PMS1: variants seen among roughly 807,000 people sequenced by gnomAD.
The protein encoded by PMS1 is PMS1 protein homolog 1.
Under a neutral mutation model 93.1 loss-of-function variants are expected in PMS1, and 79 were observed. That is an observed-to-expected ratio of 0.85 (90% CI 0.71 to 1.02). PMS1 has a LOEUF of 1.02. Ranked by LOEUF, PMS1 falls within the 50% of genes least tolerant of loss-of-function variation. PMS1 has a pLI of 0.00. For missense variants in PMS1, 1,064 were observed against 1,085.3 expected, an observed-to-expected ratio of 0.98 and a Z score of 0.28; for synonymous variants, 335 against 363.4, an observed-to-expected ratio of 0.92 and a Z score of 0.89.
At chr2:189,863,477 C>T (rs2056251014) in intron 9 of PMS1, among the ~76,000 whole-genome samples, 1 of 152,150 alleles carries the variant, frequency 6.6e-6, no homozygotes, top group Non-Finnish European at 1.5e-5. Flanking sequence ...TAGTCTTGAA[C>T]TGCTGACCTC....
At chr2:189,817,768 A>G (rs1007792232) in intron 4 of PMS1, among the ~76,000 whole-genome samples, 2 of 152,200 alleles carry the variant, frequency 1.3e-5, no homozygotes, top group Non-Finnish European at 2.9e-5. Flanking sequence ...GTTTCTACGC[A>G]GTGATAGAAG....
At chr2:189,839,273 G>T (rs769664443) in intron 5 of PMS1, among the ~76,000 whole-genome samples, 6 of 152,172 alleles carry the variant, frequency 3.9e-5, no homozygotes, top group Non-Finnish European at 8.8e-5. Flanking sequence ...TTACAGGCAC[G>T]AGCCACCACA....
At chr2:189,811,870 G>T (rs970935304) in intron 4 of PMS1, among the ~76,000 whole-genome samples, 28 of 152,202 alleles carry the variant, frequency 1.8e-4, no homozygotes, top group African/African-American at 6.7e-4. Context: ...GCTATTTACA[G>T]CTTTCATGAA....
intron 6 of PMS1, among the ~76,000 whole-genome samples, chr2:189,844,643 CAAAAAAAA>C: frequency 1.6e-5 from 1 of 62,526 alleles, no homozygotes; most frequent in African/African-American, 4.7e-5. Flanking sequence ...GATTCCATCT[CAAAAAAAA>C]AAAAAAAAAA....
At chr2:189,818,257 T>TA (rs2051501243) in intron 5 of PMS1, 77 bp downstream of exon 5, 2 of 942,682 alleles carry the variant, frequency 2.1e-6, no homozygotes, top group African/African-American at 3.3e-5. Context: ...ATCAGTTAGA[T>TA]ATGGGCTATG....
intron 1 of PMS1, among the ~76,000 whole-genome samples, chr2:189,788,471 G>A (rs1318388030): frequency 6.6e-6 from 1 of 152,106 alleles, no homozygotes; most frequent in Non-Finnish European, 1.5e-5. Flanking sequence ...GCATTTTAGA[G>A]AGTTTAATTT....
At chr2:189,865,063 A>G (rs1002381029) in intron 10 of PMS1, among the ~76,000 whole-genome samples, 2 of 152,004 alleles carry the variant, frequency 1.3e-5, no homozygotes, top group South Asian at 2.1e-4. Flanking sequence ...TCCCCCTCCT[A>G]TATCTTTCAA....
chr2:189,811,588 T>C (rs777386462), intron 4 of PMS1, among the ~76,000 whole-genome samples: 2 of 151,814 alleles, frequency 1.3e-5, no homozygotes, highest in African/African-American at 2.4e-5. Flanking sequence ...AGTGAGACTC[T>C]TGTCTTCAAC....
At chr2:189,847,561 A>C (rs894935322) in intron 6 of PMS1, among the ~76,000 whole-genome samples, 1 of 151,994 alleles carries the variant, frequency 6.6e-6, no homozygotes, top group African/African-American at 2.4e-5. Flanking sequence ...CTCTAAAGAT[A>C]ATTGTTTTTG....
Position 189,805,724 on chromosome 2 carries a change from C to CT in PMS1, c.391dup (p.Ser131PhefsTer20). ...TGTTTTAGATGGCAGTGGCCACATA[C>CT]TTTCTCAGAAACCTTCACATCTTGG... On this transcript the variant is annotated frameshift_variant, in exon 4 of 13. Transcript: ENST00000441310. LOFTEE classifies it high-confidence loss of function. 1 of 1,613,790 alleles carries CT rather than the reference C, an allele frequency of 6.2e-7. No individual in the cohort carries two copies. Among genetic ancestry groups the CT allele is most frequent in the Non-Finnish European group, 8.5e-7 (1 of 1,179,886 alleles).
At chr2:189,851,983 T>C (rs1476461669) in intron 6 of PMS1, among the ~76,000 whole-genome samples, 3 of 152,208 alleles carry the variant, frequency 2.0e-5, no homozygotes, top group Admixed American at 1.3e-4. Flanking sequence ...TTCTCTCTGG[T>C]ATTCTTTTCT....
chr2:189,853,136 C>G (rs1229594160), intron 7 of PMS1, among the ~76,000 whole-genome samples: 8 of 152,100 alleles, frequency 5.3e-5, no homozygotes. Flanking sequence ...TCACTGCAAC[C>G]TCCATCTCCT....
intron 9 of PMS1, chr2:189,855,742 T>C (rs1347559110): frequency 4.3e-6 from 1 of 233,562 alleles, no homozygotes; most frequent in Non-Finnish European, 9.0e-6. Flanking sequence ...GATCTGTCTT[T>C]GATTAAAATA....
chr2:189,842,675 A>G (rs991991750), intron 5 of PMS1, among the ~76,000 whole-genome samples: 10 of 152,152 alleles, frequency 6.6e-5, no homozygotes, highest in Non-Finnish European at 1.3e-4. Context: ...GGAGTGCTCC[A>G]TTAGGCTTCT....
chr2:189,806,652 C>A (rs1186847685), intron 4 of PMS1: 6 of 202,284 alleles, frequency 3.0e-5, no homozygotes, highest in Non-Finnish European at 6.1e-5. Flanking sequence ...CTGCCTTGGC[C>A]TCCCAGAGTG....
At position 189,870,373 on chromosome 2, in the gene PMS1, C is replaced by T. The variant is rs3791780; in HGVS notation, c.2473+2444C>T. Among the ~76,000 whole-genome samples, 40 of 152,244 alleles carry T rather than the reference C, an allele frequency of 2.6e-4. 1 individual carries two copies. In the East Asian group the frequency reaches 6.8e-3, roughly 26 times the overall value. ...GAACTTTGCATGCTAATAGGAATAGCTTTTTGTCCTGCATCAATAAGAATT... is the reference window on the plus strand; with the variant it reads ...GAACTTTGCATGCTAATAGGAATAGTTTTTTGTCCTGCATCAATAAGAATT... On this transcript the variant is annotated intron_variant, in intron 11 of 12. Coordinates refer to ENST00000441310, the MANE Select transcript of PMS1 (RefSeq NM_000534.5).
chr2:189,853,733 T>C (rs1258098797), intron 7 of PMS1, among the ~76,000 whole-genome samples: 1 of 152,004 alleles, frequency 6.6e-6, no homozygotes, highest in African/African-American at 2.4e-5. Context: ...GCCAGGCTGG[T>C]CTTGAACTCC....
intron 3 of PMS1, 53 bp downstream of exon 3, chr2:189,796,004 A>G: frequency 1.7e-6 from 2 of 1,148,276 alleles, no homozygotes; most frequent in Non-Finnish European, 2.7e-6. Flanking sequence ...TGAACATTAC[A>G]GTTAAAACTA....
intron 12 of PMS1, 144 bp from the exon 13 acceptor site, chr2:189,877,128 A>G (rs192369946): frequency 1.4e-6 from 1 of 697,486 alleles, no homozygotes; most frequent in African/African-American, 1.8e-5. Context: ...GAGAGCTGAC[A>G]ACATAGTTGA....
Sources: allele counts gnomAD v4.1 joint callset (sites outside exome capture counted in the v4.1 genomes callset), GRCh38; gene constraint gnomAD v4.1.1; transcripts MANE v1.5; gene names NCBI Gene and HGNC (gene_info 2026-07-23, HGNC 2026-07-21).